HIBADH: variants seen among roughly 807,000 people sequenced by gnomAD.
HIBADH encodes the protein 3-hydroxyisobutyrate dehydrogenase, mitochondrial.
HIBADH carries 25 observed loss-of-function variants against 36.1 expected under a neutral mutation model. The ratio of observed to expected loss-of-function variants is 0.69; its 90% CI spans 0.50 to 0.97. HIBADH has a LOEUF of 0.97. Ranked by LOEUF, HIBADH falls within the 50% of genes least tolerant of loss-of-function variation. The pLI is 0.00. For missense variants in HIBADH, 421 were observed against 418.0 expected (o/e 1.01, Z -0.06); for synonymous variants, 160 against 149.5 (o/e 1.07, Z -0.51).
intron 2 of HIBADH, among the ~76,000 whole-genome samples, chr7:27,645,381 T>TGTTTGTTTGTTTTGTTTTTG (rs1562657286): frequency 1.5e-5 from 2 of 129,366 alleles, no homozygotes; most frequent in African/African-American, 6.2e-5. Context: ...TTTTTTTTTT[T>TGTTTGTTTGTTTTGTTTTTG]TTTTTTTTTT....
At position 27,531,229 on chromosome 7, in the gene HIBADH, T is replaced by C. The variant is rs777580186; in HGVS notation, c.815A>G (p.Asn272Ser). The C allele has an allele frequency of 1.2e-6, 2 of 1,613,872 alleles. No homozygotes were observed. Among genetic ancestry groups the C allele is most frequent in the Non-Finnish European group, 8.5e-7 (1 of 1,179,934 alleles). ...TGTTGTTCCAAATCCACCCTGATAG[T>C]TATTAGCCGAGGGAACGCCATCCAT... ...GVMDGVPSAN[N>S]YQGGFGTTLM... is the part of the protein sequence containing the mutation. The change falls in exon 7 of 8, where the codon AAC becomes AGC. Residue 272 changes from asparagine (N) to serine (S), a missense_variant. Transcript: ENST00000265395.
chr7:27,565,107 AT>A (rs1784526616), intron 4 of HIBADH, among the ~76,000 whole-genome samples: 1 of 152,102 alleles, frequency 6.6e-6, no homozygotes. Context: ...TAGAGCTCTT[AT>A]GCTCCAAGCC....
At position 27,548,194 on chromosome 7, in the gene HIBADH, CTT is replaced by C. The variant is rs1583563465; in HGVS notation, c.485-5096_485-5095del. ...ATCCTCTAAGTCAGCCTCTCTCTCT[CTT>C]AAAAAAAAAAAAAAGTATCATAGAG... is the stretch of plus-strand genomic sequence containing the variant. On this transcript the variant is annotated intron_variant, in intron 4 of 7. Coordinates refer to ENST00000265395, the MANE Select transcript of HIBADH (RefSeq NM_152740.4). Among the ~76,000 whole-genome samples the C allele has an allele frequency of 8.9e-4, 9 of 10,132 alleles. No homozygotes were observed. In the East Asian group the frequency reaches 0.016, roughly 17 times the overall value. The allele number at this position is 10,132 out of a possible 152,430, so 6.6% of individuals were successfully genotyped here.
intron 1 of HIBADH, among the ~76,000 whole-genome samples, chr7:27,653,056 G>C (rs534203000): frequency 2.6e-4 from 39 of 152,258 alleles, no homozygotes; most frequent in African/African-American, 7.5e-4. Flanking sequence ...TTGAACATAG[G>C]GGGTGGAGGA....
chr7:27,658,766 GTC>G (rs1398081856), intron 1 of HIBADH, among the ~76,000 whole-genome samples: 1 of 152,078 alleles, frequency 6.6e-6, no homozygotes, highest in East Asian at 1.9e-4. Context: ...TACAATGTAT[GTC>G]TATTTTATCA....
intron 4 of HIBADH, among the ~76,000 whole-genome samples, chr7:27,581,163 G>A (rs1054978766): frequency 5.3e-5 from 8 of 152,134 alleles, no homozygotes; most frequent in Admixed American, 4.6e-4. Flanking sequence ...GGGCCAACTT[G>A]GGATTAGTGA....
At chr7:27,567,080 G>T (rs1202962884) in intron 4 of HIBADH, among the ~76,000 whole-genome samples, 1 of 152,058 alleles carries the variant, frequency 6.6e-6, no homozygotes, top group African/African-American at 2.4e-5. Flanking sequence ...TTATATTGTT[G>T]TTGATTTTTC....
chr7:27,560,134 A>ATTC (rs1468200347), intron 4 of HIBADH, among the ~76,000 whole-genome samples: 1 of 152,084 alleles, frequency 6.6e-6, no homozygotes, highest in Non-Finnish European at 1.5e-5. Flanking sequence ...TATTATTATT[A>ATTC]TTTTGATAAC....
At chr7:27,531,967 T>C (rs1384264014) in intron 6 of HIBADH, among the ~76,000 whole-genome samples, 1 of 152,202 alleles carries the variant, frequency 6.6e-6, no homozygotes, top group Non-Finnish European at 1.5e-5. Flanking sequence ...ATCTTGCTTA[T>C]GAAGCAAGTC....
chr7:27,575,350 A>C (rs566439831), intron 4 of HIBADH, among the ~76,000 whole-genome samples: 14 of 152,288 alleles, frequency 9.2e-5, no homozygotes, highest in Admixed American at 2.0e-4. Context: ...AAATAAGGTA[A>C]ATATTTAAGA....
At chr7:27,531,381 G>C in intron 6 of HIBADH, 33 bp from the exon 7 acceptor site, 1 of 1,583,214 alleles carries the variant, frequency 6.3e-7, no homozygotes, top group Non-Finnish European at 8.6e-7. Flanking sequence ...AGTGTTAAGT[G>C]TCAAAATGTA....
chr7:27,625,686 T>G (rs1001728099), intron 4 of HIBADH, among the ~76,000 whole-genome samples: 1 of 152,146 alleles, frequency 6.6e-6, no homozygotes, highest in Non-Finnish European at 1.5e-5. Context: ...GTTGCACATA[T>G]ATTCAATATT....
At chr7:27,661,454 G>GGCA (rs1389164042) in intron 1 of HIBADH, among the ~76,000 whole-genome samples, 1 of 152,024 alleles carries the variant, frequency 6.6e-6, no homozygotes, top group African/African-American at 2.4e-5. Context: ...CGGGCGTGGT[G>GGCA]GCACATGCCT....
intron 6 of HIBADH, among the ~76,000 whole-genome samples, chr7:27,535,947 G>A (rs1784065113): frequency 6.6e-6 from 1 of 151,914 alleles, no homozygotes; most frequent in Non-Finnish European, 1.5e-5. Context: ...CACAGGAATG[G>A]GTGACTCAAT....
chr7:27,592,541 CTA>C (rs1376649007), intron 4 of HIBADH, among the ~76,000 whole-genome samples: 2 of 152,114 alleles, frequency 1.3e-5, no homozygotes, highest in South Asian at 2.1e-4. Context: ...CCCATTCATC[CTA>C]TGAGTTATTC....
intron 4 of HIBADH, among the ~76,000 whole-genome samples, chr7:27,620,235 G>A (rs1338002589): frequency 2.0e-5 from 3 of 151,960 alleles, no homozygotes; most frequent in Non-Finnish European, 4.4e-5. Flanking sequence ...GGGGGGAATC[G>A]CTTGAACCCA....
In HIBADH at chr7:27,533,620, T is replaced by G. The variant is rs576017489; in HGVS notation, c.696-2272A>C. Among the ~76,000 whole-genome samples, 17 of 152,326 alleles carry G rather than the reference T, an allele frequency of 1.1e-4. No homozygotes were observed. The South Asian group carries it at 3.3e-3, about 30-fold the overall frequency. On this transcript the variant is annotated intron_variant, in intron 6 of 7. Coordinates refer to ENST00000265395, the MANE Select transcript of HIBADH (RefSeq NM_152740.4). ...ATATTAAAATCAGTTACTGAAGTCC[T>G]CTGTTTTCCACTGTGCCCAAGGCTT...
rs139172021 is a variant in HIBADH, at chr7:27,553,107, T to A, written c.485-10007A>T. On this transcript the variant is annotated intron_variant, in intron 4 of 7. Transcript: ENST00000265395. Reference sequence around the variant, plus strand: ...ACAAATTAAATGCATATAAATAAACTATAGCTGATTAGCTAAAGCCTACAC... The same window carrying A: ...ACAAATTAAATGCATATAAATAAACAATAGCTGATTAGCTAAAGCCTACAC... 5.6e-3 allele frequency among the ~76,000 whole-genome samples: 853 copies of A among 152,318 alleles called. 5 individuals are homozygous for A. Among genetic ancestry groups the A allele is most frequent in the African/African-American group, 0.02 (812 of 41,558 alleles).
chr7:27,571,865 A>G (rs62456903), intron 4 of HIBADH, among the ~76,000 whole-genome samples: 16,804 of 152,226 alleles, frequency 0.11, 1,060 homozygotes, highest in Middle Eastern at 0.14. Context: ...TTTGAACTCT[A>G]TGCCCATAAA....
Sources: allele counts gnomAD v4.1 joint callset (sites outside exome capture counted in the v4.1 genomes callset), GRCh38; gene constraint gnomAD v4.1.1; transcripts MANE v1.5; gene names NCBI Gene and HGNC (gene_info 2026-07-23, HGNC 2026-07-21).